The following MAPKAP1 variants were observed in gnomAD, a reference collection of about 807,000 sequenced individuals.
MAPKAP1 encodes target of rapamycin complex 2 subunit MAPKAP1.
A neutral mutation model predicts 65.7 loss-of-function variants in MAPKAP1; 20 were observed. That is an observed-to-expected ratio of 0.30 (90% confidence interval 0.21 to 0.44). The LOEUF is 0.44. MAPKAP1 is among the 20% of genes least tolerant of loss of function. MAPKAP1 has a pLI of 1.00. For missense variants in MAPKAP1, 423 were observed against 648.0 expected, an observed-to-expected ratio of 0.65 and a Z score of 3.77; for synonymous variants, 222 against 244.3, an observed-to-expected ratio of 0.91 and a Z score of 0.85.
intron 11 of MAPKAP1, among the ~76,000 whole-genome samples, chr9:125,444,247 G>A (rs1216360561): frequency 6.6e-6 from 1 of 152,260 alleles, no homozygotes; most frequent in Non-Finnish European, 1.5e-5. Flanking sequence ...GGGTTATTGG[G>A]ATTGGGAGGA....
intron 3 of MAPKAP1, 76 bp from the exon 4 acceptor site, chr9:125,657,875 CT>C: frequency 1.4e-6 from 2 of 1,420,086 alleles, no homozygotes; most frequent in Non-Finnish European, 9.8e-7. Context: ...AAAAGTCTTC[CT>C]TAGAACCTTA....
intron 8 of MAPKAP1, among the ~76,000 whole-genome samples, chr9:125,502,950 G>C (rs538171182): frequency 1.9e-4 from 3 of 15,668 alleles, no homozygotes; most frequent in Non-Finnish European, 4.8e-4. Flanking sequence ...TATATTTTGA[G>C]CATATAGGTT....
chr9:125,438,904 T>G lies in MAPKAP1; in HGVS notation c.1552A>C (p.Lys518Gln). ...RTSFSFQKEK[K>Q]SGQQ Reference sequence around the variant, plus strand: ...GGCCAGTGTCACTGCTGCCCGGATTTCTTCTCCTTCTGGAAGCTGAAGCTC... The same window carrying G: ...GGCCAGTGTCACTGCTGCCCGGATTGCTTCTCCTTCTGGAAGCTGAAGCTC... The change falls in exon 12 of 12, where the codon AAA (lysine) becomes CAA (glutamine). Residue 518 changes from lysine to glutamine, a missense_variant. Coordinates refer to ENST00000265960, the MANE Select transcript of MAPKAP1 (RefSeq NM_001006617.3). 6.2e-7 allele frequency: 1 copy of G among 1,614,216 alleles called. No homozygotes were observed. Among genetic ancestry groups the G allele is most frequent in the Non-Finnish European group, 8.5e-7 (1 of 1,180,024 alleles).
intron 1 of MAPKAP1, among the ~76,000 whole-genome samples, chr9:125,704,438 T>C (rs1415306723): frequency 1.3e-5 from 2 of 152,156 alleles, no homozygotes; most frequent in Non-Finnish European, 2.9e-5. Flanking sequence ...GACTTCTACC[T>C]TAGAACCCAC....
chr9:125,677,082 C>G (rs987709773), intron 1 of MAPKAP1, among the ~76,000 whole-genome samples: 1 of 152,190 alleles, frequency 6.6e-6, no homozygotes, highest in African/African-American at 2.4e-5. Context: ...TTCACAAATG[C>G]TGTCTCTTCA....
At chr9:125,706,924 G>C (rs1023735197) in intron 1 of MAPKAP1, 47 bp downstream of exon 1, 5 of 390,200 alleles carry the variant, frequency 1.3e-5, no homozygotes, top group African/African-American at 4.1e-5. Context: ...GGGCAAGCTG[G>C]TGGGCTGACG....
chr9:125,614,795 T>C (rs1451638071), intron 4 of MAPKAP1, among the ~76,000 whole-genome samples: 3 of 152,168 alleles, frequency 2.0e-5, no homozygotes, highest in African/African-American at 7.2e-5. Flanking sequence ...TAACCCAACA[T>C]AGAACATCTG....
chr9:125,696,933 T>C (rs773226320), intron 1 of MAPKAP1, among the ~76,000 whole-genome samples: 9 of 152,166 alleles, frequency 5.9e-5, no homozygotes, highest in Non-Finnish European at 1.2e-4. Flanking sequence ...TTCAACTCAC[T>C]ATCTCTATCT....
At position 125,585,742 on chromosome 9, in the gene MAPKAP1, A is replaced by T; in HGVS notation, c.499-15T>A. On this transcript the variant is annotated splice_polypyrimidine_tract_variant and intron_variant, in intron 4 of 11. Transcript: ENST00000265960. ...CCTACATGACCCTGTGGACAGAACAAACACGTGAGAGCAAAGCACACTGCC... is the reference window on the plus strand; with the variant it reads ...CCTACATGACCCTGTGGACAGAACATACACGTGAGAGCAAAGCACACTGCC... The T allele has an allele frequency of 1.2e-6, 2 of 1,612,202 alleles. No homozygotes were observed. Among genetic ancestry groups the T allele is most frequent in the Non-Finnish European group, 8.5e-7 (1 of 1,178,478 alleles).
At chr9:125,577,814 G>A (rs1831487632) in intron 5 of MAPKAP1, among the ~76,000 whole-genome samples, 1 of 148,970 alleles carries the variant, frequency 6.7e-6, no homozygotes, top group Non-Finnish European at 1.5e-5. Context: ...AGGATGGGGG[G>A]TCAGCCCCCG....
At chr9:125,452,100 G>A (rs778381098) in intron 10 of MAPKAP1, among the ~76,000 whole-genome samples, 2 of 150,744 alleles carry the variant, frequency 1.3e-5, no homozygotes, top group South Asian at 2.1e-4. Context: ...ATGAGCCACC[G>A]CACCAGCCCG....
chr9:125,579,242 G>A (rs1028961243), intron 5 of MAPKAP1, among the ~76,000 whole-genome samples: 1 of 152,170 alleles, frequency 6.6e-6, no homozygotes, highest in African/African-American at 2.4e-5. Flanking sequence ...CTTCATTGGG[G>A]CCAAAGTCTA....
chr9:125,673,376 G>A (rs1205995412), intron 1 of MAPKAP1, among the ~76,000 whole-genome samples: 4 of 152,170 alleles, frequency 2.6e-5, no homozygotes, highest in African/African-American at 4.8e-5. Flanking sequence ...ACAGGGATGC[G>A]CCACCATGCC....
chr9:125,656,655 A>C (rs1175171109), intron 4 of MAPKAP1, among the ~76,000 whole-genome samples: 1 of 152,198 alleles, frequency 6.6e-6, no homozygotes, highest in Non-Finnish European at 1.5e-5. Context: ...AGCATAAGCA[A>C]AAAGCTGTAT....
chr9:125,454,198 T>C (rs1477115952), intron 10 of MAPKAP1, among the ~76,000 whole-genome samples: 3 of 152,258 alleles, frequency 2.0e-5, no homozygotes, highest in Non-Finnish European at 4.4e-5. Flanking sequence ...TGAGGGCCTT[T>C]TGACGCTTCA....
intron 1 of MAPKAP1, 32 bp from the exon 2 acceptor site, chr9:125,672,675 A>G: frequency 7.6e-7 from 1 of 1,313,600 alleles, no homozygotes; most frequent in Non-Finnish European, 1.1e-6. Flanking sequence ...CAAATATTTA[A>G]GAATAAGGCA....
intron 3 of MAPKAP1, among the ~76,000 whole-genome samples, chr9:125,667,617 T>C (rs186026385): frequency 2.6e-5 from 4 of 152,342 alleles, no homozygotes; most frequent in Admixed American, 2.6e-4. Flanking sequence ...TTCACTATGT[T>C]GGCCAGGCTG....
chr9:125,537,468 C>T (rs999886240), intron 7 of MAPKAP1, among the ~76,000 whole-genome samples: 1 of 152,144 alleles, frequency 6.6e-6, no homozygotes, highest in African/African-American at 2.4e-5. Flanking sequence ...TCCCATGGCA[C>T]ACAAATCCCC....
At chr9:125,702,721 G>A (rs1835638859) in intron 1 of MAPKAP1, among the ~76,000 whole-genome samples, 1 of 151,342 alleles carries the variant, frequency 6.6e-6, no homozygotes, top group Non-Finnish European at 1.5e-5. Context: ...GCGTGGTGAT[G>A]GGCACCTGTA....
Sources: allele counts gnomAD v4.1 joint callset (sites outside exome capture counted in the v4.1 genomes callset), GRCh38; gene constraint gnomAD v4.1.1; transcripts MANE v1.5; gene names NCBI Gene and HGNC (gene_info 2026-07-23, HGNC 2026-07-21).